The following LRRTM3 variants were observed in gnomAD, a reference collection of about 807,000 sequenced individuals.
LRRTM3 encodes leucine-rich repeat transmembrane neuronal protein 3.
A neutral mutation model predicts 44.7 loss-of-function variants in LRRTM3; 24 were observed. That is an observed-to-expected ratio of 0.54 (90% CI 0.39 to 0.76). The LOEUF is 0.76. Among genes scored for constraint, LRRTM3 ranks in the 30% least tolerant of loss-of-function variants. LRRTM3 has a pLI of 0.00. For missense variants in LRRTM3, 587 were observed against 702.2 expected, an observed-to-expected ratio of 0.84 and a Z score of 1.85; for synonymous variants, 277 against 278.7, an observed-to-expected ratio of 0.99 and a Z score of 0.06.
intron 2 of LRRTM3, among the ~76,000 whole-genome samples, chr10:67,050,514 T>C (rs1855020088): frequency 6.6e-6 from 1 of 152,196 alleles, no homozygotes; most frequent in Non-Finnish European, 1.5e-5. Flanking sequence ...AGGCTCTGAC[T>C]GAAAATTAAA....
intron 2 of LRRTM3, among the ~76,000 whole-genome samples, chr10:67,088,014 C>T (rs1019423607): frequency 6.6e-6 from 1 of 151,666 alleles, no homozygotes; most frequent in African/African-American, 2.4e-5. Flanking sequence ...AAGACATAAT[C>T]TAAAAACAGA....
intron 2 of LRRTM3, among the ~76,000 whole-genome samples, chr10:66,950,917 A>G (rs920772755): frequency 1.3e-5 from 2 of 152,124 alleles, no homozygotes; most frequent in African/African-American, 4.8e-5. Context: ...CAGAATTTGA[A>G]TTCTGATCTG....
chr10:66,971,851 CT>C (rs1405112777), intron 2 of LRRTM3, among the ~76,000 whole-genome samples: 1 of 151,938 alleles, frequency 6.6e-6, no homozygotes, highest in Non-Finnish European at 1.5e-5. Flanking sequence ...TTTAATATTT[CT>C]CATTTCTGAG....
intron 2 of LRRTM3, among the ~76,000 whole-genome samples, chr10:66,955,991 A>T (rs1176181815): frequency 6.6e-6 from 1 of 152,110 alleles, no homozygotes; most frequent in Non-Finnish European, 1.5e-5. Context: ...GGGGTGCTCA[A>T]ATCTAACTTG....
At chr10:66,934,180 GA>G (rs904543386) in intron 2 of LRRTM3, among the ~76,000 whole-genome samples, 2 of 151,000 alleles carry the variant, frequency 1.3e-5, no homozygotes, top group African/African-American at 2.4e-5. Flanking sequence ...CCATTTTATT[GA>G]AAAAAAAGAA....
chr10:67,011,088 G>C (rs1028057271), intron 2 of LRRTM3, among the ~76,000 whole-genome samples: 1 of 152,198 alleles, frequency 6.6e-6, no homozygotes, highest in East Asian at 1.9e-4. Context: ...CCAGCACTTT[G>C]GGAGGCCAAG....
intron 2 of LRRTM3, among the ~76,000 whole-genome samples, chr10:67,052,310 A>ATC (rs1238182355): frequency 4.7e-4 from 44 of 92,826 alleles, no homozygotes; most frequent in African/African-American, 1.9e-3. Flanking sequence ...ACACCCACTC[A>ATC]TCACTCTCTC....
chr10:66,984,385 G>T (rs528267591), intron 2 of LRRTM3, among the ~76,000 whole-genome samples: 23 of 152,080 alleles, frequency 1.5e-4, no homozygotes, highest in Non-Finnish European at 3.2e-4. Flanking sequence ...AAGGTTAAAA[G>T]TCTAAGAAGT....
At chr10:67,049,087 A>G (rs1370337107) in intron 2 of LRRTM3, among the ~76,000 whole-genome samples, 1 of 151,148 alleles carries the variant, frequency 6.6e-6, no homozygotes, top group African/African-American at 2.4e-5. Context: ...AAAAAATGAC[A>G]TTTATAACTT....
At chr10:67,096,027 G>A (rs1857971526) in intron 2 of LRRTM3, among the ~76,000 whole-genome samples, 3 of 151,562 alleles carry the variant, frequency 2.0e-5, no homozygotes, top group Non-Finnish European at 4.4e-5. Context: ...TTTCATTCAC[G>A]CATCAGATAA....
intron 2 of LRRTM3, among the ~76,000 whole-genome samples, chr10:66,931,270 A>G (rs189640183): frequency 1.0e-3 from 155 of 151,902 alleles, no homozygotes; most frequent in Non-Finnish European, 1.6e-3. Context: ...CAAAACAGAG[A>G]AGAAATGGGA....
chr10:66,927,412 T>C lies in LRRTM3; in HGVS notation c.496T>C (p.Ser166Pro). 1 of 1,614,126 alleles carries C rather than the reference T, an allele frequency of 6.2e-7. No individual in the cohort carries two copies. Among genetic ancestry groups the C allele is most frequent in the Non-Finnish European group, 8.5e-7 (1 of 1,180,020 alleles). ...GAAGCTGCTGAGTTTACATTTACGG[T>C]CTAACTCCCTGAGAACCATCCCTGT... Reference protein sequence around the residue: ...LRKLLSLHLRSNSLRTIPVRI... With the variant: ...LRKLLSLHLRPNSLRTIPVRI... The change falls in exon 2 of 3, where the codon TCT becomes CCT. Residue 166 changes from serine (S) to proline (P), a missense_variant. Physicochemically the swap from Ser to Pro is moderately conservative, Grantham distance 74 (BLOSUM62 -1). Coordinates refer to ENST00000361320, the MANE Select transcript of LRRTM3 (RefSeq NM_178011.5). This position sits in a 1 kb window ranked among gnomAD's most constrained non-coding sequence, Gnocchi z 4.7.
chr10:66,962,886 C>G (rs1849197126), intron 2 of LRRTM3, among the ~76,000 whole-genome samples: 1 of 152,166 alleles, frequency 6.6e-6, no homozygotes, highest in Non-Finnish European at 1.5e-5. Flanking sequence ...CAACAATGCA[C>G]CCCATAAAGG....
chr10:66,978,771 T>C (rs1850230832), intron 2 of LRRTM3, among the ~76,000 whole-genome samples: 1 of 138,900 alleles, frequency 7.2e-6, no homozygotes, highest in African/African-American at 2.5e-5. Context: ...TTTAATTAAA[T>C]AAAAAGTAGC....
At chr10:66,988,155 C>T (rs981621312) in intron 2 of LRRTM3, among the ~76,000 whole-genome samples, 1 of 152,086 alleles carries the variant, frequency 6.6e-6, no homozygotes, top group Admixed American at 6.6e-5. Context: ...TTGTAACTTG[C>T]TGGCATCATA....
chr10:66,964,302 A>G (rs1002603451), intron 2 of LRRTM3, among the ~76,000 whole-genome samples: 1 of 150,974 alleles, frequency 6.6e-6, no homozygotes, highest in African/African-American at 2.4e-5. Context: ...CCGCATTTCA[A>G]TCTAGATGTT....
At chr10:67,079,618 G>C (rs990678227) in intron 2 of LRRTM3, among the ~76,000 whole-genome samples, 1 of 152,108 alleles carries the variant, frequency 6.6e-6, no homozygotes. Flanking sequence ...GGGAGGCCAA[G>C]GTGGGCAGAT....
intron 2 of LRRTM3, among the ~76,000 whole-genome samples, chr10:67,032,581 T>C (rs919462719): frequency 1.3e-5 from 2 of 152,186 alleles, no homozygotes; most frequent in Non-Finnish European, 2.9e-5. Context: ...CTGCCAGGTA[T>C]TAAGCATCAG....
At chr10:67,039,370 T>C (rs1854260896) in intron 2 of LRRTM3, among the ~76,000 whole-genome samples, 2 of 152,098 alleles carry the variant, frequency 1.3e-5, no homozygotes, top group African/African-American at 4.8e-5. Flanking sequence ...AGACAAACAT[T>C]TCCCTGTGCA....
Sources: gnomAD v4.1 joint callset for allele counts (sites outside exome capture counted in the v4.1 genomes callset) on GRCh38, gnomAD v4.1.1 for gene constraint, Gnocchi (gnomAD v3.1) non-coding constraint, MANE v1.5 for transcripts, NCBI Gene and HGNC (gene_info 2026-07-23, HGNC 2026-07-21) for gene names.